The following COL26A1 variants were observed in gnomAD, a reference collection of about 807,000 sequenced individuals.
The protein encoded by COL26A1 is collagen type XXVI alpha 1 chain.
In COL26A1, 41 loss-of-function variants were observed where a neutral mutation model predicts 59.3. The ratio of observed to expected loss-of-function variants is 0.69; its 90% CI spans 0.54 to 0.90. The LOEUF is 0.90. Among genes scored for constraint, COL26A1 ranks in the 40% least tolerant of loss-of-function variants. COL26A1 has a pLI of 0.00. For synonymous variants in COL26A1, 266 were observed against 256.0 expected (o/e 1.04, Z -0.37); for missense variants, 612 against 602.3 (o/e 1.02, Z -0.17).
chr7:101,546,950 G>T (rs1261256320), intron 7 of COL26A1, among the ~76,000 whole-genome samples: 1 of 152,172 alleles, frequency 6.6e-6, no homozygotes, highest in South Asian at 2.1e-4. Flanking sequence ...GAAGCTGACC[G>T]ACCTGGCTTT....
At chr7:101,376,937 C>T (rs2117019782) in intron 1 of COL26A1, among the ~76,000 whole-genome samples, 1 of 152,284 alleles carries the variant, frequency 6.6e-6, no homozygotes. Flanking sequence ...TAGCTCACTG[C>T]AATCTCTGCC....
intron 2 of COL26A1, 144 bp from the exon 3 acceptor site, chr7:101,447,540 C>T (rs973743139): frequency 2.7e-5 from 16 of 603,000 alleles, no homozygotes; most frequent in Non-Finnish European, 4.8e-5. Context: ...AGCCAGTGAA[C>T]ACGGACCCCG....
intron 3 of COL26A1, among the ~76,000 whole-genome samples, chr7:101,511,900 G>T (rs1423970638): frequency 6.6e-6 from 1 of 152,110 alleles, no homozygotes; most frequent in Non-Finnish European, 1.5e-5. Flanking sequence ...GGCTGAGGCG[G>T]GAGAATTGCT....
intron 1 of COL26A1, among the ~76,000 whole-genome samples, chr7:101,386,377 C>G (rs1791578299): frequency 6.6e-6 from 1 of 151,922 alleles, no homozygotes; most frequent in African/African-American, 2.4e-5. Context: ...TCAAGCAAGC[C>G]TCCTGAGTAG....
At chr7:101,497,334 T>C (rs1336903515) in intron 3 of COL26A1, among the ~76,000 whole-genome samples, 3 of 152,080 alleles carry the variant, frequency 2.0e-5, no homozygotes, top group South Asian at 2.1e-4. Context: ...TTGACTAACA[T>C]GTACTGAGCA....
At position 101,549,190 on chromosome 7, in the gene COL26A1, TCCCCCAGGA is replaced by T; in HGVS notation, c.970_978del (p.Pro324_Gly326del). The stretch of plus-strand genomic sequence containing the variant: ...CCACAGGTCCCCCTGGGCCTCGAGG[TCCCCCAGGA>T]CCCCCAGGAACACCTGGATCCCAGG... On this transcript the variant is annotated inframe_deletion, in exon 9 of 13. Transcript: ENST00000313669. The T allele has an allele frequency of 6.2e-7, 1 of 1,603,082 alleles. No individual in the cohort carries two copies. The highest frequency in any genetic ancestry group is 2.3e-5 in the East Asian group (1 of 43,922).
intron 1 of COL26A1, among the ~76,000 whole-genome samples, chr7:101,392,300 C>G (rs866578142): frequency 2.6e-5 from 4 of 151,996 alleles, no homozygotes; most frequent in African/African-American, 9.7e-5. Flanking sequence ...GCATCTACCT[C>G]CTGCCCCCCA....
chr7:101,422,885 C>T (rs1300855728), intron 2 of COL26A1, among the ~76,000 whole-genome samples: 1 of 152,202 alleles, frequency 6.6e-6, no homozygotes, highest in Non-Finnish European at 1.5e-5. Context: ...AAGGGATCCT[C>T]CTGCCTCAGC....
At chr7:101,520,633 T>TATACACACACACACACACACACAC (rs1452059213) in intron 3 of COL26A1, among the ~76,000 whole-genome samples, 78 of 137,282 alleles carry the variant, frequency 5.7e-4, no homozygotes, top group African/African-American at 2.0e-3. Context: ...CACAGACACA[T>TATACACACACACACACACACACAC]ACACACACAC....
intron 4 of COL26A1, among the ~76,000 whole-genome samples, chr7:101,535,189 G>A (rs2130644462): frequency 6.6e-6 from 1 of 152,288 alleles, no homozygotes; most frequent in East Asian, 1.9e-4. Context: ...AGCTCTTGTG[G>A]GGCAGGATTG....
rs528327547 is a variant in COL26A1 at position 101,536,099 on chromosome 7, C to T, written c.447+2956C>T. 3.3e-5 allele frequency among the ~76,000 whole-genome samples: 5 copies of T among 152,336 alleles called. No individual in the cohort carries two copies. In the East Asian group the frequency reaches 9.6e-4, roughly 29 times the overall value. ...GATCTCAGCTCACTGCAACCTCTGC[C>T]TCCTGGGACAGGTTCAAGTGATTCT... On this transcript the variant is annotated intron_variant, in intron 4 of 12. Transcript: ENST00000313669.
intron 1 of COL26A1, among the ~76,000 whole-genome samples, chr7:101,363,715 C>T (rs1379788596): frequency 1.3e-5 from 2 of 151,946 alleles, no homozygotes; most frequent in Non-Finnish European, 2.9e-5. Context: ...TCTTCGCTTC[C>T]CCAACCTTCG....
At chr7:101,447,196 G>GTTA (rs1359418601) in intron 2 of COL26A1, among the ~76,000 whole-genome samples, 1 of 152,210 alleles carries the variant, frequency 6.6e-6, no homozygotes, top group Non-Finnish European at 1.5e-5. Flanking sequence ...TAATGGCGAT[G>GTTA]TTATCTCCAG....
intron 1 of COL26A1, among the ~76,000 whole-genome samples, chr7:101,406,269 G>A (rs77440595): frequency 0.012 from 1,796 of 152,200 alleles, 15 homozygotes; most frequent in East Asian, 0.038. Context: ...ATGAGGAAAC[G>A]CAGGCAGGTC....
At chr7:101,368,509 A>G (rs1216740502) in intron 1 of COL26A1, among the ~76,000 whole-genome samples, 2 of 152,374 alleles carry the variant, frequency 1.3e-5, no homozygotes, top group East Asian at 3.9e-4. Context: ...TGCCCAGACT[A>G]GCAGCTCAGA....
At chr7:101,438,440 G>A (rs1792969373) in intron 2 of COL26A1, among the ~76,000 whole-genome samples, 1 of 151,534 alleles carries the variant, frequency 6.6e-6, no homozygotes, top group African/African-American at 2.4e-5. Flanking sequence ...AGGCAGATGG[G>A]GTATATGTGG....
At position 101,544,067 on chromosome 7, in the gene COL26A1, C is replaced by G. The variant is rs1194756803; in HGVS notation, c.674C>G (p.Thr225Arg). The G allele has an allele frequency of 2.5e-6, 4 of 1,606,464 alleles. No individual in the cohort carries two copies. The Admixed American group carries it at 6.8e-5, about 27-fold the overall frequency. The change falls in exon 6 of 13, where the codon ACA (threonine) becomes AGA (arginine). Residue 225 changes from threonine to arginine, a missense_variant. Transcript: ENST00000313669. Reference sequence around the variant, plus strand: ...GGGTCTAAAGGTGACCGAGGCCAGACAGGAGAGAAGGGTCCAGCGGGGCCG... The same window carrying G: ...GGGTCTAAAGGTGACCGAGGCCAGAGAGGAGAGAAGGGTCCAGCGGGGCCG... ...PPGSKGDRGQ[T>R]GEKGPAGPPG...
intron 3 of COL26A1, among the ~76,000 whole-genome samples, chr7:101,493,672 T>C (rs1794516855): frequency 6.7e-6 from 1 of 149,452 alleles, no homozygotes; most frequent in Admixed American, 6.8e-5. Flanking sequence ...CCTGTAATCC[T>C]GGCACTTTGG....
At chr7:101,468,597 G>A (rs1017864439) in intron 3 of COL26A1, among the ~76,000 whole-genome samples, 1 of 152,216 alleles carries the variant, frequency 6.6e-6, no homozygotes, top group African/African-American at 2.4e-5. Context: ...CTGCAGAAGG[G>A]GGCTTACCTT....
Sources: gnomAD v4.1 joint callset for allele counts (sites outside exome capture counted in the v4.1 genomes callset) on GRCh38, gnomAD v4.1.1 for gene constraint, MANE v1.5 for transcripts, NCBI Gene and HGNC (gene_info 2026-07-23, HGNC 2026-07-21) for gene names.